The following PCSK2 variants were observed in gnomAD, a reference collection of about 807,000 sequenced individuals.
PCSK2 encodes the protein proprotein convertase subtilisin/kexin type 2.
A neutral mutation model predicts 69.7 loss-of-function variants in PCSK2; 14 were observed. The observed-to-expected ratio is 0.20, with a 90% CI of 0.13 to 0.31. The LOEUF is 0.31. Ranked by LOEUF, PCSK2 falls within the 10% of genes least tolerant of loss-of-function variation. The pLI is 1.00. For missense variants in PCSK2, 544 were observed against 842.5 expected (o/e 0.65, Z 4.39); for synonymous variants, 307 against 320.7 (o/e 0.96, Z 0.46).
chr20:17,396,617 T>G (rs1321778096), intron 5 of PCSK2, among the ~76,000 whole-genome samples: 1 of 146,662 alleles, frequency 6.8e-6, no homozygotes, highest in African/African-American at 2.5e-5. Flanking sequence ...AAAGTCAACT[T>G]ATTTTTTTTT....
intron 8 of PCSK2, among the ~76,000 whole-genome samples, chr20:17,451,770 A>G (rs2032827088): frequency 6.6e-6 from 1 of 152,214 alleles, no homozygotes; most frequent in Non-Finnish European, 1.5e-5. Context: ...CACAAAGAAG[A>G]GAATGTTTAG....
At chr20:17,440,241 A>G (rs535305103) in intron 8 of PCSK2, among the ~76,000 whole-genome samples, 58 of 151,906 alleles carry the variant, frequency 3.8e-4, no homozygotes, top group Non-Finnish European at 2.8e-4. Context: ...AAAATGCAAA[A>G]CCTCAGCGCC....
intron 6 of PCSK2, among the ~76,000 whole-genome samples, chr20:17,416,604 G>A (rs1050899235): frequency 6.6e-6 from 1 of 152,188 alleles, no homozygotes; most frequent in Non-Finnish European, 1.5e-5. Context: ...CATTGTGGAA[G>A]ACAGTATGGT....
At chr20:17,244,003 A>G (rs1375369243) in intron 1 of PCSK2, among the ~76,000 whole-genome samples, 1 of 152,180 alleles carries the variant, frequency 6.6e-6, no homozygotes, top group African/African-American at 2.4e-5. Context: ...TTGGCAACAT[A>G]TCAGTGATGT....
chr20:17,475,912 G>A (rs780506460), intron 11 of PCSK2, among the ~76,000 whole-genome samples: 1 of 152,178 alleles, frequency 6.6e-6, no homozygotes, highest in Non-Finnish European at 1.5e-5. Flanking sequence ...AGAAAAGAGA[G>A]CTCAAATTCA....
At chr20:17,334,057 C>T (rs538328204) in intron 2 of PCSK2, among the ~76,000 whole-genome samples, 1 of 151,702 alleles carries the variant, frequency 6.6e-6, no homozygotes, top group South Asian at 2.1e-4. Context: ...ATAACTTGCC[C>T]AAGTAACACA....
chr20:17,310,718 G>A (rs895866535), intron 2 of PCSK2, among the ~76,000 whole-genome samples: 1 of 151,102 alleles, frequency 6.6e-6, no homozygotes, highest in African/African-American at 2.4e-5. Context: ...ATTCATGGAG[G>A]CAGTGGCTGA....
intron 7 of PCSK2, among the ~76,000 whole-genome samples, chr20:17,432,749 C>T (rs548106084): frequency 1.1e-4 from 16 of 152,254 alleles, no homozygotes; most frequent in African/African-American, 3.6e-4. Context: ...TATTAAAGCT[C>T]GAGACCACAT....
chr20:17,390,454 G>A (rs2031343866), intron 5 of PCSK2, among the ~76,000 whole-genome samples: 1 of 152,194 alleles, frequency 6.6e-6, no homozygotes, highest in African/African-American at 2.4e-5. Context: ...AAAAGAGCCA[G>A]TTTAGAAATC....
At chr20:17,337,162 A>G (rs1432702192) in intron 2 of PCSK2, among the ~76,000 whole-genome samples, 1 of 152,220 alleles carries the variant, frequency 6.6e-6, no homozygotes, top group African/African-American at 2.4e-5. Flanking sequence ...AAGGAAACCA[A>G]TGATGGAGGA....
intron 4 of PCSK2, 24 bp from the exon 5 acceptor site, chr20:17,369,216 T>C: frequency 6.2e-7 from 1 of 1,610,876 alleles, no homozygotes; most frequent in Non-Finnish European, 8.5e-7. Context: ...CTTTGGTTCC[T>C]GTGTTATTGT....
chr20:17,475,935 G>A (rs1260637431), intron 11 of PCSK2, among the ~76,000 whole-genome samples: 5 of 152,146 alleles, frequency 3.3e-5, no homozygotes, highest in Non-Finnish European at 7.3e-5. Context: ...ACAGAACTCA[G>A]AGCCAGGGTC....
At chr20:17,338,465 G>A (rs1990421807) in intron 2 of PCSK2, among the ~76,000 whole-genome samples, 1 of 152,036 alleles carries the variant, frequency 6.6e-6, no homozygotes, top group Non-Finnish European at 1.5e-5. Context: ...AAAGTGCTGA[G>A]ATTACCAGTG....
intron 8 of PCSK2, among the ~76,000 whole-genome samples, chr20:17,445,329 C>A (rs1344908352): frequency 1.3e-5 from 2 of 151,652 alleles, no homozygotes; most frequent in African/African-American, 4.8e-5. Context: ...CCCTGGCACA[C>A]CTTTTGCTGG....
chr20:17,274,613 C>A (rs897005264), intron 2 of PCSK2, among the ~76,000 whole-genome samples: 12 of 152,008 alleles, frequency 7.9e-5, no homozygotes, highest in African/African-American at 2.7e-4. Flanking sequence ...CAAGGAGCAC[C>A]AAGATACCAG....
At chr20:17,339,609 A>C (rs1990451601) in intron 2 of PCSK2, among the ~76,000 whole-genome samples, 1 of 152,130 alleles carries the variant, frequency 6.6e-6, no homozygotes, top group African/African-American at 2.4e-5. Flanking sequence ...CATGTTATTA[A>C]TCTTGCCTAG....
chr20:17,374,652 G>T (rs527927361), intron 5 of PCSK2, among the ~76,000 whole-genome samples: 1 of 152,102 alleles, frequency 6.6e-6, no homozygotes, highest in Non-Finnish European at 1.5e-5. Flanking sequence ...TGCCAGAAAG[G>T]GAGAGTGGCC....
chr20:17,385,916 G>T (rs1377750656), intron 5 of PCSK2, among the ~76,000 whole-genome samples: 1 of 152,204 alleles, frequency 6.6e-6, no homozygotes, highest in Non-Finnish European at 1.5e-5. Flanking sequence ...ATTAATATCA[G>T]GATGGAGAGA....
intron 1 of PCSK2, among the ~76,000 whole-genome samples, chr20:17,257,240 G>A (rs1457143775): frequency 2.0e-5 from 3 of 152,162 alleles, no homozygotes; most frequent in African/African-American, 7.2e-5. Flanking sequence ...TCACACCAGT[G>A]AGAACGGTGA....
Sources: allele counts gnomAD v4.1 joint callset (sites outside exome capture counted in the v4.1 genomes callset), GRCh38; gene constraint gnomAD v4.1.1; transcripts MANE v1.5; gene names NCBI Gene and HGNC (gene_info 2026-07-23, HGNC 2026-07-21).